MAPK10: variants seen among roughly 807,000 people sequenced by gnomAD.
MAPK10 encodes JNK3 alpha protein kinase.
MAPK10 carries 25 observed loss-of-function variants against 59.3 expected under a neutral mutation model. That is an observed-to-expected ratio of 0.42 (90% CI 0.31 to 0.59). The LOEUF (loss-of-function observed/expected upper bound fraction) is 0.59, where lower values mean the gene tolerates loss of function less well. MAPK10 is among the 20% of genes least tolerant of loss of function. The probability of loss-of-function intolerance (pLI) is 0.15; values close to 1 mark genes in which losing one functional copy is unlikely to be tolerated. For synonymous variants in MAPK10, 190 were observed against 200.5 expected (o/e 0.95, Z 0.44); for missense variants, 351 against 568.9 (o/e 0.62, Z 3.90).
At chr4:86,325,162 T>C (rs1027362666) in intron 2 of MAPK10, among the ~76,000 whole-genome samples, 1 of 152,096 alleles carries the variant, frequency 6.6e-6, no homozygotes, top group Non-Finnish European at 1.5e-5. Context: ...ATAAAAAAAA[T>C]AAAGCACGCC....
chr4:86,068,060 G>T, intron 9 of MAPK10, 105 bp from the exon 10 acceptor site: 1 of 590,338 alleles, frequency 1.7e-6, no homozygotes, highest in East Asian at 2.9e-5. Context: ...TAATGCAACT[G>T]TAGTTTTAAT....
intron 1 of MAPK10, among the ~76,000 whole-genome samples, chr4:86,533,832 G>A (rs1056294422): frequency 1.3e-5 from 2 of 152,196 alleles, no homozygotes; most frequent in African/African-American, 2.4e-5. Flanking sequence ...TCCCACCTCT[G>A]TGGACTTCAT....
At chr4:86,381,379 A>G (rs768270953) in intron 1 of MAPK10, among the ~76,000 whole-genome samples, 9 of 152,126 alleles carry the variant, frequency 5.9e-5, no homozygotes, top group Non-Finnish European at 1.0e-4. Flanking sequence ...CTCTCCACAG[A>G]CTGCTGCAGT....
chr4:86,469,451 G>T (rs1436975430), intron 1 of MAPK10, among the ~76,000 whole-genome samples: 1 of 152,162 alleles, frequency 6.6e-6, no homozygotes, highest in Non-Finnish European at 1.5e-5. Context: ...GCAGGTTGTT[G>T]GACCAGGAAA....
intron 1 of MAPK10, among the ~76,000 whole-genome samples, chr4:86,398,225 A>T (rs1342284582): frequency 8.8e-6 from 1 of 113,640 alleles, no homozygotes; most frequent in Non-Finnish European, 2.0e-5. Flanking sequence ...AAACAAACAA[A>T]CAAAAAAAAA....
Position 86,320,549 on chromosome 4 carries a change from G to A in MAPK10, c.-7+33981C>T, listed in dbSNP as rs145255776. Among the ~76,000 whole-genome samples, 646 of 152,296 alleles carry A rather than the reference G, an allele frequency of 4.2e-3. 5 individuals are homozygous for A. Among genetic ancestry groups the A allele is most frequent in the African/African-American group, 0.015 (611 of 41,566 alleles). On this transcript the variant is annotated intron_variant, in intron 2 of 13. Transcript: ENST00000641462. ...TTTGTTTGAGTTCATTGTAGATTCT[G>A]GATATTAGCCCTTTGTCAGATGAGT... is the stretch of plus-strand genomic sequence containing the variant.
intron 2 of MAPK10, among the ~76,000 whole-genome samples, chr4:86,206,034 T>C (rs539174298): frequency 6.6e-6 from 1 of 152,140 alleles, no homozygotes; most frequent in African/African-American, 2.4e-5. Flanking sequence ...CAACAGGATT[T>C]TTTTTTAATT....
At chr4:86,175,646 T>C (rs895059102) in intron 3 of MAPK10, among the ~76,000 whole-genome samples, 3 of 152,126 alleles carry the variant, frequency 2.0e-5, no homozygotes, top group Non-Finnish European at 4.4e-5. Flanking sequence ...CCTTCCACCA[T>C]GATTACAAGT....
chr4:86,531,077 T>G (rs138463926), intron 1 of MAPK10, among the ~76,000 whole-genome samples: 111 of 152,252 alleles, frequency 7.3e-4, no homozygotes, highest in Non-Finnish European at 1.3e-3. Flanking sequence ...AAGCTATCAC[T>G]TGGCACATCC....
At chr4:86,458,729 A>G (rs1211925503) in intron 1 of MAPK10, among the ~76,000 whole-genome samples, 1 of 152,220 alleles carries the variant, frequency 6.6e-6, no homozygotes, top group Non-Finnish European at 1.5e-5. Context: ...AAGAGAATGA[A>G]ACTGGATCCT....
At chr4:86,464,819 C>CAAA (rs56319235) in intron 1 of MAPK10, among the ~76,000 whole-genome samples, 1 of 137,024 alleles carries the variant, frequency 7.3e-6, no homozygotes, top group Admixed American at 7.3e-5. Context: ...GACTCTGTCT[C>CAAA]AAAAAAAAAA....
At chr4:86,209,881 C>G (rs1431644536) in intron 2 of MAPK10, among the ~76,000 whole-genome samples, 1 of 152,066 alleles carries the variant, frequency 6.6e-6, no homozygotes, top group African/African-American at 2.4e-5. Context: ...AATTATATTA[C>G]AGAGCTATAG....
intron 1 of MAPK10, among the ~76,000 whole-genome samples, chr4:86,471,864 T>C (rs1311538827): frequency 1.3e-5 from 2 of 152,202 alleles, no homozygotes; most frequent in African/African-American, 4.8e-5. Context: ...AAACTGAATG[T>C]ATAAGTAAAA....
chr4:86,537,327 C>T (rs1236577064), intron 1 of MAPK10, among the ~76,000 whole-genome samples: 2 of 152,104 alleles, frequency 1.3e-5, no homozygotes, highest in Admixed American at 6.5e-5. Flanking sequence ...CAGTGATTTC[C>T]AGTGTTATTT....
intron 1 of MAPK10, among the ~76,000 whole-genome samples, chr4:86,492,889 T>A (rs1414550674): frequency 6.6e-6 from 1 of 152,108 alleles, no homozygotes; most frequent in African/African-American, 2.4e-5. Flanking sequence ...GTATGAGGGG[T>A]GTTAAAGCAA....
intron 6 of MAPK10, 113 bp from the exon 7 acceptor site, chr4:86,102,145 C>G (rs1379721869): frequency 1.1e-6 from 1 of 921,538 alleles, no homozygotes; most frequent in Non-Finnish European, 1.7e-6. Flanking sequence ...TTAGCTCTGC[C>G]TTTGACTTAA....
At chr4:86,546,181 C>G (rs1416443556) in intron 1 of MAPK10, among the ~76,000 whole-genome samples, 1 of 151,796 alleles carries the variant, frequency 6.6e-6, no homozygotes, top group Non-Finnish European at 1.5e-5. Context: ...CGAGATGGCG[C>G]CATTGCACTC....
chr4:86,149,752 G>A (rs373994407), intron 4 of MAPK10, among the ~76,000 whole-genome samples: 13 of 152,272 alleles, frequency 8.5e-5, no homozygotes, highest in African/African-American at 3.1e-4. Flanking sequence ...CAGCAATTCT[G>A]TGCATACATA....
chr4:86,205,894 C>T (rs1252975680), intron 2 of MAPK10, among the ~76,000 whole-genome samples: 1 of 151,736 alleles, frequency 6.6e-6, no homozygotes, highest in African/African-American at 2.4e-5. Context: ...AAGAGGCATT[C>T]CCTCTCAGAT....
Sources: allele counts gnomAD v4.1 joint callset (sites outside exome capture counted in the v4.1 genomes callset), GRCh38; gene constraint gnomAD v4.1.1; transcripts MANE v1.5; gene names NCBI Gene and HGNC (gene_info 2026-07-23, HGNC 2026-07-21).